TACR2: variants seen among roughly 807,000 people sequenced by gnomAD.
TACR2 encodes the protein tachykinin receptor 2, also known as substance-K receptor.
TACR2 carries 24 observed loss-of-function variants against 28.9 expected under a neutral mutation model. The ratio of observed to expected loss-of-function variants is 0.83; its 90% CI spans 0.60 to 1.17. TACR2 has a LOEUF of 1.17. TACR2 is among the 50% of genes most tolerant of loss of function. TACR2 has a pLI of 0.00. For synonymous variants in TACR2, 222 were observed against 212.6 expected, an observed-to-expected ratio of 1.04 and a Z score of -0.38; for missense variants, 487 against 524.4, an observed-to-expected ratio of 0.93 and a Z score of 0.70.
chr10:69,414,819 C>G lies in TACR2; in HGVS notation c.587+126G>C. 3.0e-6 allele frequency: 3 copies of G among 993,144 alleles called. No individual in the cohort carries two copies. The South Asian group carries it at 5.3e-5, about 18-fold the overall frequency. The allele number at this position is 993,144 out of a possible 1,614,324, so 61.5% of individuals were successfully genotyped here. A position where few individuals can be genotyped will look rare whatever the true frequency, so the allele number is the denominator to read the frequency against. The stretch of plus-strand genomic sequence containing the variant: ...TCACACAATCCCGTGTACACTCACT[C>G]ATGTGTACACCCATGCATGCACACC... On this transcript the variant is annotated intron_variant, in intron 2 of 4. Coordinates refer to ENST00000373306, the MANE Select transcript of TACR2 (RefSeq NM_001057.3).
At chr10:69,411,927 A>G (rs7092661) in intron 2 of TACR2, among the ~76,000 whole-genome samples, 98,289 of 151,964 alleles carry the variant, frequency 0.65, 32,544 homozygotes, top group African/African-American at 0.75. Context: ...CACCTCCCAG[A>G]TTCAAGTGAT....
At chr10:69,409,263 G>A in intron 2 of TACR2, 188 bp from the exon 3 acceptor site, 1 of 497,218 alleles carries the variant, frequency 2.0e-6, no homozygotes, top group Non-Finnish European at 3.3e-6. Context: ...TGTGCCAGGA[G>A]ACGGCTTCCC....
chr10:69,415,789 A>G, intron 1 of TACR2, 143 bp downstream of exon 1: 1 of 970,092 alleles, frequency 1.0e-6, no homozygotes, highest in Non-Finnish European at 1.5e-6. Flanking sequence ...CCAGATTCAT[A>G]GTTTTGGACC....
In TACR2 at chr10:69,414,929, C is replaced by T. The variant is rs755867336; in HGVS notation, c.587+16G>A. 4.4e-6 allele frequency: 7 copies of T among 1,598,832 alleles called. No individual in the cohort carries two copies. In the South Asian group the frequency reaches 7.8e-5, roughly 18 times the overall value. On this transcript the variant is annotated intron_variant, in intron 2 of 4. Transcript: ENST00000373306. The stretch of plus-strand genomic sequence containing the variant: ...CACACACACTGTTGCCCTCCACAAT[C>T]CCCCAGAGGCCTTACAGGAGGAGCG...
chr10:69,405,025 T>G lies in TACR2; in HGVS notation c.998A>C (p.Glu333Ala). The G allele has an allele frequency of 1.2e-6, 2 of 1,614,140 alleles. No homozygotes were observed. Among genetic ancestry groups the G allele is most frequent in the Non-Finnish European group, 1.7e-6 (2 of 1,180,016 alleles). Residue 333 changes from glutamate (E) to alanine (A), a missense_variant, in exon 5 of 5, where the codon GAA (glutamate) becomes GCA (alanine). By Grantham distance (107) the Glu-to-Ala change is moderately radical. Transcript: ENST00000373306. ...CGTGGGAGTCAGCTCGAGCTTATCTTCCTTGGTGGGTGTGACCCATGGGCA... is the reference window on the plus strand; with the variant it reads ...CGTGGGAGTCAGCTCGAGCTTATCTGCCTTGGTGGGTGTGACCCATGGGCA... The part of the protein sequence containing the change: ...RCCPWVTPTK[E>A]DKLELTPTTS...
At chr10:69,412,161 G>T (rs1840574217) in intron 2 of TACR2, among the ~76,000 whole-genome samples, 1 of 152,172 alleles carries the variant, frequency 6.6e-6, no homozygotes, top group Admixed American at 6.5e-5. Context: ...TGCACAGTAG[G>T]CTCTGCATTA....
In TACR2 at chr10:69,407,039, A is replaced by G. The variant is rs758687980; in HGVS notation, c.938+45T>C. ...CAGGGGAGCCCACCTGGGGCTGGGC[A>G]GTGGGGCCCTGAGGGCAGAGGGTGG... is the stretch of plus-strand genomic sequence containing the variant. On this transcript the variant is annotated intron_variant, in intron 4 of 4. Coordinates refer to ENST00000373306, the MANE Select transcript of TACR2 (RefSeq NM_001057.3). 3.1e-6 allele frequency: 5 copies of G among 1,597,496 alleles called. No homozygotes were observed. In the African/African-American group the frequency reaches 6.7e-5, roughly 21 times the overall value.
chr10:69,415,254 C>T, intron 1 of TACR2, 115 bp from the exon 2 acceptor site: 1 of 1,132,260 alleles, frequency 8.8e-7, no homozygotes, highest in Non-Finnish European at 1.2e-6. Context: ...CCCCGCACTG[C>T]TGCCATCTGC....
chr10:69,405,121 G>A, intron 4 of TACR2, 37 bp from the exon 5 acceptor site: 1 of 1,575,852 alleles, frequency 6.3e-7, no homozygotes, highest in Non-Finnish European at 8.7e-7. Flanking sequence ...CAGGGAGTTA[G>A]GGGCTCAGGA....
intron 3 of TACR2, among the ~76,000 whole-genome samples, chr10:69,407,598 C>T (rs1007357007): frequency 6.6e-6 from 1 of 152,204 alleles, no homozygotes; most frequent in African/African-American, 2.4e-5. Flanking sequence ...GCTCCCCCTC[C>T]CTGGAGAGTG....
At chr10:69,407,650 G>A (rs1172716404) in intron 3 of TACR2, among the ~76,000 whole-genome samples, 1 of 152,118 alleles carries the variant, frequency 6.6e-6, no homozygotes, top group African/African-American at 2.4e-5. Flanking sequence ...GGGAGCCCCT[G>A]TGTCAGCTAT....
chr10:69,416,416 G>A lies in TACR2; in HGVS notation c.-93C>T. ...ACTCCCCTTCAGAGCATGGGAATATGGGGGCAGGGAGAGGAGCAGATGCCA... is the reference window on the plus strand; with the variant it reads ...ACTCCCCTTCAGAGCATGGGAATATAGGGGCAGGGAGAGGAGCAGATGCCA... On this transcript the variant is annotated 5_prime_UTR_variant, in exon 1 of 5. Coordinates refer to ENST00000373306, the MANE Select transcript of TACR2 (RefSeq NM_001057.3). 2 of 1,503,454 alleles carry A rather than the reference G, an allele frequency of 1.3e-6. No homozygotes were observed. Among genetic ancestry groups the A allele is most frequent in the Non-Finnish European group, 1.8e-6 (2 of 1,125,602 alleles). The allele number at this position is 1,503,454 out of a possible 1,614,324, so 93.1% of individuals were successfully genotyped here. A position where few individuals can be genotyped will look rare whatever the true frequency, so the allele number is the denominator to read the frequency against.
At position 69,404,863 on chromosome 10, in the gene TACR2, C is replaced by T; in HGVS notation, c.1160G>A (p.Gly387Asp). 6.3e-7 allele frequency: 1 copy of T among 1,585,394 alleles called. No homozygotes were observed. Among genetic ancestry groups the T allele is most frequent in the South Asian group, 1.1e-5 (1 of 88,280 alleles). ...ATGAGTTTTGGTGGGGGCAAGCAAA[C>T]CATACCCAAACCATAGCCCTGATCC... ...QDGSGLWFGY[G>D]LLAPTKTHVE... The change falls in exon 5 of 5, where the codon GGT (glycine) becomes GAT (aspartate). Residue 387 changes from glycine (G) to aspartate (D), a missense_variant. Gly to Asp is a moderately conservative substitution (Grantham distance 94, BLOSUM62 -1). Coordinates refer to ENST00000373306, the MANE Select transcript of TACR2 (RefSeq NM_001057.3).
intron 2 of TACR2, 25 bp from the exon 3 acceptor site, chr10:69,409,100 C>T (rs1255949809): frequency 6.4e-7 from 1 of 1,555,794 alleles, no homozygotes; most frequent in Non-Finnish European, 8.7e-7. Flanking sequence ...GAGGCCTGGG[C>T]AGCGGAGGGC....
At chr10:69,411,894 G>C (rs938348956) in intron 2 of TACR2, among the ~76,000 whole-genome samples, 2 of 152,094 alleles carry the variant, frequency 1.3e-5, no homozygotes, top group African/African-American at 4.8e-5. Flanking sequence ...TGCAATGGTG[G>C]GGTCTTGGCT....
At chr10:69,410,788 A>C (rs1840563900) in intron 2 of TACR2, among the ~76,000 whole-genome samples, 1 of 152,160 alleles carries the variant, frequency 6.6e-6, no homozygotes, top group South Asian at 2.1e-4. Context: ...ATGTTACTCC[A>C]CAAATCGTAG....
In TACR2 at chr10:69,415,191, C is replaced by G. The variant is rs183684184; in HGVS notation, c.393-52G>C. The G allele has an allele frequency of 2.1e-4, 332 of 1,556,758 alleles. No individual in the cohort carries two copies. The African/African-American group carries it at 4.1e-3, about 19-fold the overall frequency. ...CAGGGGCCCTCCTGTTAGCCCAGCT[C>G]CCTTTCCCCTGTCTCCCTCTCTCCC... On this transcript the variant is annotated intron_variant, in intron 1 of 4. Transcript: ENST00000373306.
intron 2 of TACR2, among the ~76,000 whole-genome samples, chr10:69,412,554 A>G (rs1840578326): frequency 6.6e-6 from 1 of 152,190 alleles, no homozygotes; most frequent in Non-Finnish European, 1.5e-5. Flanking sequence ...TACAGATTTA[A>G]TCATGACCAA....
At chr10:69,412,637 T>C (rs1198370075) in intron 2 of TACR2, among the ~76,000 whole-genome samples, 1 of 152,226 alleles carries the variant, frequency 6.6e-6, no homozygotes, top group East Asian at 1.9e-4. Flanking sequence ...GTTTAAAGCA[T>C]GATCTTAGGC....
Sources: gnomAD v4.1 joint callset for allele counts (sites outside exome capture counted in the v4.1 genomes callset) on GRCh38, gnomAD v4.1.1 for gene constraint, MANE v1.5 for transcripts, NCBI Gene and HGNC (gene_info 2026-07-23, HGNC 2026-07-21) for gene names.